Variants in ANKRD62 observed in about 807,000 individuals in gnomAD.
The protein encoded by ANKRD62 is ankyrin repeat domain-containing protein 62.
ANKRD62 carries 61 observed loss-of-function variants against 98.8 expected under a neutral mutation model. The observed-to-expected ratio is 0.62, with a 90% CI of 0.50 to 0.76. The LOEUF is 0.76. ANKRD62 is among the 30% of genes least tolerant of loss of function. The pLI, the probability that ANKRD62 is intolerant of heterozygous loss-of-function variation, is 0.00. For synonymous variants in ANKRD62, 341 were observed against 367.9 expected (o/e 0.93, Z 0.84); for missense variants, 933 against 1,082.9 (o/e 0.86, Z 1.94).
intron 6 of ANKRD62, chr18:12,102,493 T>G: frequency 2.5e-6 from 1 of 400,726 alleles, no homozygotes; most frequent in South Asian, 2.3e-5. Context: ...AAACTCAAGG[T>G]CATCCACCAA....
chr18:12,141,749 G>A, the ANKRD62 span, among the ~76,000 whole-genome samples: 3 of 61,476 alleles, frequency 4.9e-5, no homozygotes. Context: ...AGTTACCAGA[G>A]TTCTCGCGTT....
At chr18:12,121,951 AT>A (rs376661628) in intron 10 of ANKRD62, among the ~76,000 whole-genome samples, 1,765 of 151,940 alleles carry the variant, frequency 0.012, 32 homozygotes, top group African/African-American at 0.041. Flanking sequence ...CTTCCTTCTC[AT>A]TTTTTATTTC....
the ANKRD62 span, among the ~76,000 whole-genome samples, chr18:12,164,072 G>T: frequency 6.6e-6 from 1 of 151,970 alleles, no homozygotes; most frequent in Non-Finnish European, 1.5e-5. Flanking sequence ...AGTGGTTTGA[G>T]TAGGATTGGT....
the ANKRD62 span, among the ~76,000 whole-genome samples, chr18:12,171,277 G>A: frequency 2.9e-4 from 44 of 152,286 alleles, no homozygotes; most frequent in Admixed American, 3.9e-4. Context: ...GGCTGGTACC[G>A]GTTGTTCCTT....
the ANKRD62 span, among the ~76,000 whole-genome samples, chr18:12,171,725 G>A: frequency 3.8e-4 from 58 of 152,338 alleles, no homozygotes; most frequent in African/African-American, 3.6e-4. Context: ...GTAATATCCT[G>A]CAGAGTGTTT....
intron 8 of ANKRD62, among the ~76,000 whole-genome samples, chr18:12,109,974 G>T (rs929043627): frequency 1.5e-5 from 2 of 132,348 alleles, no homozygotes; most frequent in Admixed American, 1.5e-4. Context: ...AAAAAAAACA[G>T]ACAGACAGGT....
chr18:12,169,138 C>CT, the ANKRD62 span, among the ~76,000 whole-genome samples: 2 of 152,114 alleles, frequency 1.3e-5, no homozygotes, highest in Non-Finnish European at 1.5e-5. Flanking sequence ...TTTATCTTGC[C>CT]TGATTGCCCT....
At chr18:12,132,651 T>C (rs1422836567), downstream of ANKRD62, among the ~76,000 whole-genome samples, 2 of 152,164 alleles carry the variant, frequency 1.3e-5, no homozygotes, top group Non-Finnish European at 2.9e-5. Context: ...GGAAATTCTC[T>C]TGTATCTCCA....
chr18:12,166,337 AC>A, the ANKRD62 span, among the ~76,000 whole-genome samples: 1 of 151,106 alleles, frequency 6.6e-6, no homozygotes, highest in Admixed American at 6.6e-5. Flanking sequence ...TAATTTTTTG[AC>A]TTAACTGGTT....
chr18:12,171,407 G>A, the ANKRD62 span, among the ~76,000 whole-genome samples: 1 of 152,168 alleles, frequency 6.6e-6, no homozygotes, highest in African/African-American at 2.4e-5. Context: ...AACTTAGTTT[G>A]GCTGGATATG....
At chr18:12,179,767 TTC>T in the ANKRD62 span, among the ~76,000 whole-genome samples, 211 of 132,524 alleles carry the variant, frequency 1.6e-3, 1 homozygote, top group African/African-American at 6.1e-3. Context: ...TGACTTTTGT[TTC>T]TTTTTTTCCC....
chr18:12,140,767 G>T, the ANKRD62 span, among the ~76,000 whole-genome samples: 124 of 152,328 alleles, frequency 8.1e-4, no homozygotes, highest in East Asian at 0.022. Context: ...AGTTGGGGGT[G>T]CCTCCCAGTT....
chr18:12,107,729 C>A lies in ANKRD62; in HGVS notation c.1064+262C>A, dbSNP rs575933540. 2.1e-4 allele frequency among the ~76,000 whole-genome samples: 32 copies of A among 152,164 alleles called. No individual in the cohort carries two copies. The South Asian group carries it at 6.6e-3, about 32-fold the overall frequency. ...CTGTTGCTAAATGAAATTGGTAAAT[C>A]TTTATTGAAGGGTAGTTCAGTAGCA... On this transcript the variant is annotated intron_variant, in intron 8 of 13. Transcript: ENST00000587848.
chr18:12,163,517 T>G, the ANKRD62 span, among the ~76,000 whole-genome samples: 1 of 152,162 alleles, frequency 6.6e-6, no homozygotes, highest in Non-Finnish European at 1.5e-5. Flanking sequence ...TTTTGTCTGA[T>G]TGTTCTAGCG....
chr18:12,165,304 G>C, the ANKRD62 span, among the ~76,000 whole-genome samples: 1 of 151,728 alleles, frequency 6.6e-6, no homozygotes, highest in Non-Finnish European at 1.5e-5. Flanking sequence ...AACACACCTA[G>C]CATTTTGTTA....
At chr18:12,131,707 A>AAG (rs1172852803), downstream of ANKRD62, among the ~76,000 whole-genome samples, 1 of 149,248 alleles carries the variant, frequency 6.7e-6, no homozygotes, top group Non-Finnish European at 1.5e-5. Flanking sequence ...GTCATATTTT[A>AAG]AGAGAGAGAG....
the ANKRD62 span, among the ~76,000 whole-genome samples, chr18:12,169,601 T>G: frequency 6.6e-6 from 1 of 152,190 alleles, no homozygotes; most frequent in South Asian, 2.1e-4. Context: ...TCTCTTTTTT[T>G]GTTGTGTCTC....
chr18:12,146,440 T>C, the ANKRD62 span, among the ~76,000 whole-genome samples: 1 of 152,088 alleles, frequency 6.6e-6, no homozygotes, highest in African/African-American at 2.4e-5. Context: ...GCCAGACTTT[T>C]TTGGGGGGGC....
the ANKRD62 span, among the ~76,000 whole-genome samples, chr18:12,140,933 C>A: frequency 6.6e-6 from 1 of 152,154 alleles, no homozygotes; most frequent in Non-Finnish European, 1.5e-5. Context: ...TTTTTTTTGT[C>A]TGTGCCCAGC....
Sources: gnomAD v4.1 joint callset for allele counts (sites outside exome capture counted in the v4.1 genomes callset) on GRCh38, gnomAD v4.1.1 for gene constraint, MANE v1.5 for transcripts, NCBI Gene and HGNC (gene_info 2026-07-23, HGNC 2026-07-21) for gene names.